The following LMO3 variants were observed in gnomAD, a reference collection of about 807,000 sequenced individuals.
LMO3 encodes the protein LIM domain only 3.
In LMO3, 2 loss-of-function variants were observed where a neutral mutation model predicts 15.8. That is an observed-to-expected ratio of 0.13 (90% confidence interval 0.05 to 0.40). LMO3 has a LOEUF of 0.40. Among genes scored for constraint, LMO3 ranks in the 10% least tolerant of loss-of-function variants. The pLI, the probability that LMO3 is intolerant of heterozygous loss-of-function variation, is 0.99. For missense variants in LMO3, 86 were observed against 182.2 expected, an observed-to-expected ratio of 0.47 and a Z score of 3.04; for synonymous variants, 62 against 63.8, an observed-to-expected ratio of 0.97 and a Z score of 0.13.
In LMO3 at chr12:16,560,459, T is replaced by C; in HGVS notation, c.286A>G (p.Asn96Asp). Reference protein sequence around the residue: ...AFEMVMRAKDNVYHLDCFACQ... With the variant: ...AFEMVMRAKDDVYHLDCFACQ... ...GCAAAGCAGTCCAGGTGGTAAACATTGTCCTTGGCACGCATCACCATCTCA... is the reference window on the plus strand; with the variant it reads ...GCAAAGCAGTCCAGGTGGTAAACATCGTCCTTGGCACGCATCACCATCTCA... Residue 96 changes from asparagine to aspartate, a missense_variant, in exon 3 of 4, where the codon AAT becomes GAT. Asn to Asp is a conservative substitution (Grantham distance 23). Coordinates refer to ENST00000537304, the MANE Select transcript of LMO3 (RefSeq NM_018640.5). The surrounding 1 kb of genome is among the most constrained non-coding windows in gnomAD (Gnocchi z 5.0). 1 of 1,613,970 alleles carries C rather than the reference T, an allele frequency of 6.2e-7. No individual in the cohort carries two copies. The highest frequency in any genetic ancestry group is 8.5e-7 in the Non-Finnish European group (1 of 1,179,886).
rs942258324 is a variant in LMO3, at chr12:16,559,961, A to C, written c.332+452T>G. ...GGTGACAGAACCAGACCTTGTATTTAAAAAAGCAAAAACAAAAACATGAGG... is the reference window on the plus strand; with the variant it reads ...GGTGACAGAACCAGACCTTGTATTTCAAAAAGCAAAAACAAAAACATGAGG... On this transcript the variant is annotated intron_variant, in intron 3 of 3. Transcript: ENST00000537304. This position sits in a 1 kb window ranked among gnomAD's most constrained non-coding sequence, Gnocchi z 4.1. 9.2e-5 allele frequency among the ~76,000 whole-genome samples: 14 copies of C among 152,022 alleles called. No individual in the cohort carries two copies. Among genetic ancestry groups the C allele is most frequent in the African/African-American group, 3.4e-4 (14 of 41,342 alleles).
chr12:16,605,578 G>C, intron 1 of LMO3: 1 of 658,936 alleles, frequency 1.5e-6, no homozygotes, highest in East Asian at 2.9e-5. Flanking sequence ...TAAGAAGTGG[G>C]GGTTCATGAA....
rs1191192445 is a variant in LMO3 at position 16,555,819 on chromosome 12, C to G, written c.333-4492G>C. Among the ~76,000 whole-genome samples, 12 of 152,206 alleles carry G rather than the reference C, an allele frequency of 7.9e-5. No individual in the cohort carries two copies. The highest frequency in any genetic ancestry group is 7.9e-4 in the Admixed American group (12 of 15,286). On this transcript the variant is annotated intron_variant, in intron 3 of 3. Coordinates refer to ENST00000537304, the MANE Select transcript of LMO3 (RefSeq NM_018640.5). The surrounding 1 kb of genome is among the most constrained non-coding windows in gnomAD (Gnocchi z 5.5). ...TGAAAATTCCTTTCCTCACTGCTCCCTGGCTCCCTCATCTTCCCCAACCCC... is the reference window on the plus strand; with the variant it reads ...TGAAAATTCCTTTCCTCACTGCTCCGTGGCTCCCTCATCTTCCCCAACCCC...
Position 16,593,092 on chromosome 12 carries a change from C to T in LMO3, c.206+7563G>A, listed in dbSNP as rs1451767247. On this transcript the variant is annotated intron_variant, in intron 2 of 3. Transcript: ENST00000537304. This position sits in a 1 kb window ranked among gnomAD's most constrained non-coding sequence, Gnocchi z 4.2. ...TAGGATTAGCACATTTTATGAAGTT[C>T]CATGCCTGCTTACTAGTCCTTGTCA... Among the ~76,000 whole-genome samples, 3 of 151,688 alleles carry T rather than the reference C, an allele frequency of 2.0e-5. No individual in the cohort carries two copies. The highest frequency in any genetic ancestry group is 3.0e-5 in the Non-Finnish European group (2 of 67,762).
intron 3 of LMO3, among the ~76,000 whole-genome samples, chr12:16,557,782 T>C (rs1026067237): frequency 3.3e-5 from 5 of 152,160 alleles, no homozygotes; most frequent in South Asian, 4.1e-4. Context: ...TTCTATTTTG[T>C]AGGTGTGGGA....
At chr12:16,572,109 G>A (rs1353596707) in intron 2 of LMO3, among the ~76,000 whole-genome samples, 1 of 151,950 alleles carries the variant, frequency 6.6e-6, no homozygotes, top group Admixed American at 6.6e-5. Flanking sequence ...TATCCTGCAA[G>A]AAAAAGGTAC....
intron 3 of LMO3, among the ~76,000 whole-genome samples, chr12:16,557,661 T>C (rs1320950595): frequency 1.3e-5 from 2 of 152,128 alleles, no homozygotes; most frequent in African/African-American, 4.8e-5. Context: ...TAGTGGACTA[T>C]TATTTGGTAA....
chr12:16,577,333 T>C (rs1229026206), intron 2 of LMO3, among the ~76,000 whole-genome samples: 2 of 152,318 alleles, frequency 1.3e-5, no homozygotes, highest in East Asian at 3.9e-4. Flanking sequence ...CCATCTCTTA[T>C]CACAATTCTT....
At chr12:16,581,425 C>T (rs2137539279) in intron 2 of LMO3, among the ~76,000 whole-genome samples, 1 of 152,174 alleles carries the variant, frequency 6.6e-6, no homozygotes, top group African/African-American at 2.4e-5. Flanking sequence ...CAGCACTTAG[C>T]ACATATATAA....
chr12:16,607,790 T>C (rs1944051102), upstream of LMO3: 1 of 151,760 alleles, frequency 6.6e-6, no homozygotes, highest in Non-Finnish European at 1.5e-5. Flanking sequence ...CATGAGTATT[T>C]AAGCTAAATT....
rs1023922510 is a variant in LMO3 at position 16,596,784 on chromosome 12, T to G, written c.206+3871A>C. Among the ~76,000 whole-genome samples, 3 of 151,730 alleles carry G rather than the reference T, an allele frequency of 2.0e-5. No individual in the cohort carries two copies. Among genetic ancestry groups the G allele is most frequent in the African/African-American group, 7.2e-5 (3 of 41,420 alleles). On this transcript the variant is annotated intron_variant, in intron 2 of 3. Transcript: ENST00000537304. The surrounding 1 kb of genome is among the most constrained non-coding windows in gnomAD (Gnocchi z 4.3). ...TCGCAGTGATGAGTACCTTAAACAT[T>G]ATCACTACAACTTTGCTATTTTTAC...
chr12:16,577,633 A>C (rs1943035542), intron 2 of LMO3, among the ~76,000 whole-genome samples: 1 of 152,192 alleles, frequency 6.6e-6, no homozygotes, highest in African/African-American at 2.4e-5. Flanking sequence ...ACAAGTAAGA[A>C]TAATAACAAA....
chr12:16,584,804 T>C lies in LMO3; in HGVS notation c.206+15851A>G, dbSNP rs1203443749. Among the ~76,000 whole-genome samples the C allele has an allele frequency of 6.6e-6, 1 of 152,110 alleles. No homozygotes were observed. Among genetic ancestry groups the C allele is most frequent in the Non-Finnish European group, 1.5e-5 (1 of 68,022 alleles). On this transcript the variant is annotated intron_variant, in intron 2 of 3. Coordinates refer to ENST00000537304, the MANE Select transcript of LMO3 (RefSeq NM_018640.5). The surrounding 1 kb of genome is among the most constrained non-coding windows in gnomAD (Gnocchi z 5.2). The stretch of plus-strand genomic sequence containing the variant: ...TGTTAGGCTGAAAGCTCCCAGGAGA[T>C]TTCTGAAGCAGGAGTGTAACTGGTA...
chr12:16,569,851 G>A (rs571553275), intron 2 of LMO3, among the ~76,000 whole-genome samples: 2 of 152,232 alleles, frequency 1.3e-5, no homozygotes, highest in East Asian at 3.9e-4. Flanking sequence ...TAACACATAT[G>A]TACTAAAACA....
chr12:16,557,621 T>G (rs1022332926), intron 3 of LMO3, among the ~76,000 whole-genome samples: 29 of 152,182 alleles, frequency 1.9e-4, no homozygotes, highest in Non-Finnish European at 1.6e-4. Context: ...GAAACTCTAT[T>G]GTGATATATG....
chr12:16,562,654 G>A (rs2137352256), intron 2 of LMO3, among the ~76,000 whole-genome samples: 2 of 152,284 alleles, frequency 1.3e-5, no homozygotes, highest in Admixed American at 1.3e-4. Flanking sequence ...GATAAATGTG[G>A]CAAGTTCAGT....
intron 1 of LMO3, chr12:16,602,018 C>T (rs1169870373): frequency 2.6e-5 from 4 of 152,102 alleles, no homozygotes; most frequent in Non-Finnish European, 5.9e-5. Flanking sequence ...ATTATGTTAC[C>T]GAGGCCCAAG....
In LMO3 at chr12:16,603,907, C is replaced by T. The variant is rs1943906611; in HGVS notation, c.-9+2159G>A. Among the ~76,000 whole-genome samples the T allele has an allele frequency of 6.6e-6, 1 of 152,066 alleles. No individual in the cohort carries two copies. Among genetic ancestry groups the T allele is most frequent in the Non-Finnish European group, 1.5e-5 (1 of 68,030 alleles). Reference sequence around the variant, plus strand: ...GTCTTACATTTTTGGACTAACTACACAGAGTGAATAGAAAACATTTTGTCC... The same window carrying T: ...GTCTTACATTTTTGGACTAACTACATAGAGTGAATAGAAAACATTTTGTCC... On this transcript the variant is annotated intron_variant, in intron 1 of 3. Transcript: ENST00000537304. This position sits in a 1 kb window ranked among gnomAD's most constrained non-coding sequence, Gnocchi z 4.9.
intron 2 of LMO3, chr12:16,594,072 T>C (rs1011340744): frequency 7.0e-7 from 1 of 1,435,364 alleles, no homozygotes; most frequent in South Asian, 1.2e-5. Flanking sequence ...ATGAGTGCTA[T>C]AGTTTGCAAT....
Sources: gnomAD v4.1 joint callset for allele counts (sites outside exome capture counted in the v4.1 genomes callset) on GRCh38, gnomAD v4.1.1 for gene constraint, Gnocchi (gnomAD v3.1) non-coding constraint, MANE v1.5 for transcripts, NCBI Gene and HGNC (gene_info 2026-07-23, HGNC 2026-07-21) for gene names.